Variants in DLGAP2 observed in about 807,000 individuals in gnomAD.
DLGAP2 encodes DLG associated protein 2.
In DLGAP2, 26 loss-of-function variants were observed where a neutral mutation model predicts 100.3. The observed-to-expected ratio is 0.26, with a 90% CI of 0.19 to 0.36. The LOEUF (loss-of-function observed/expected upper bound fraction) is 0.36, where lower values mean the gene tolerates loss of function less well. Among genes scored for constraint, DLGAP2 ranks in the 10% least tolerant of loss-of-function variants. The pLI is 1.00. For missense variants in DLGAP2, 1,858 were observed against 1,453.2 expected, an observed-to-expected ratio of 1.28 and a Z score of -4.53; for synonymous variants, 886 against 630.1, an observed-to-expected ratio of 1.41 and a Z score of -6.08.
intron 3 of DLGAP2, among the ~76,000 whole-genome samples, chr8:1,285,198 A>G (rs1475009828): frequency 1.3e-5 from 2 of 152,192 alleles, no homozygotes; most frequent in Non-Finnish European, 2.9e-5. Flanking sequence ...CACGTTCCCA[A>G]TGGCTCCCAT....
chr8:1,640,655 C>A (rs1467425124), intron 8 of DLGAP2, among the ~76,000 whole-genome samples: 1 of 152,046 alleles, frequency 6.6e-6, no homozygotes, highest in Non-Finnish European at 1.5e-5. Flanking sequence ...TCCCTGTGTC[C>A]CGGGTTCAGA....
intron 2 of DLGAP2, among the ~76,000 whole-genome samples, chr8:1,023,456 C>G (rs1334814101): frequency 1.3e-5 from 2 of 152,180 alleles, no homozygotes; most frequent in Admixed American, 6.6e-5. Context: ...TGAGCCTCCC[C>G]TGTAGCGGGC....
At chr8:1,337,200 T>C (rs566586600) in intron 3 of DLGAP2, among the ~76,000 whole-genome samples, 1 of 67,426 alleles carries the variant, frequency 1.5e-5, no homozygotes, top group East Asian at 3.0e-4. Flanking sequence ...AGAATGATGG[T>C]GATGATGGTG....
intron 2 of DLGAP2, among the ~76,000 whole-genome samples, chr8:1,038,368 G>T (rs1013757013): frequency 1.2e-4 from 19 of 152,088 alleles, no homozygotes; most frequent in Non-Finnish European, 8.8e-5. Flanking sequence ...GATTGACCTT[G>T]GCAGGGAACC....
chr8:1,559,368 C>T (rs1239489152), intron 5 of DLGAP2, among the ~76,000 whole-genome samples: 1 of 152,166 alleles, frequency 6.6e-6, no homozygotes, highest in East Asian at 1.9e-4. Context: ...TGTAACATAA[C>T]GGAGAGAGAT....
chr8:1,318,131 C>A (rs1372031411), intron 3 of DLGAP2, among the ~76,000 whole-genome samples: 3 of 95,758 alleles, frequency 3.1e-5, no homozygotes, highest in Admixed American at 1.1e-4. Flanking sequence ...ACACTCGAGA[C>A]ACTCGTCAGC....
At chr8:877,565 C>T (rs960162412) in intron 1 of DLGAP2, among the ~76,000 whole-genome samples, 1 of 152,218 alleles carries the variant, frequency 6.6e-6, no homozygotes, top group Non-Finnish European at 1.5e-5. Flanking sequence ...TAAATCTAAT[C>T]AAATTGTGGC....
intron 2 of DLGAP2, among the ~76,000 whole-genome samples, chr8:959,540 C>G (rs891288499): frequency 9.2e-5 from 14 of 152,226 alleles, no homozygotes; most frequent in Non-Finnish European, 2.1e-4. Context: ...CAACAGAAAG[C>G]TCTGTGCCCG....
intron 3 of DLGAP2, among the ~76,000 whole-genome samples, chr8:1,264,257 A>G (rs1799407773): frequency 6.6e-6 from 1 of 152,108 alleles, no homozygotes; most frequent in Non-Finnish European, 1.5e-5. Context: ...CGCTCCTGAG[A>G]TGCAATCCCA....
intron 2 of DLGAP2, among the ~76,000 whole-genome samples, chr8:1,153,338 A>C (rs1253400578): frequency 1.3e-5 from 2 of 152,294 alleles, no homozygotes; most frequent in South Asian, 2.1e-4. Context: ...TGCCTACCTC[A>C]AGAGCTATAA....
At chr8:990,351 C>G in intron 2 of DLGAP2, among the ~76,000 whole-genome samples, 1 of 137,038 alleles carries the variant, frequency 7.3e-6, no homozygotes, top group Admixed American at 7.3e-5. Context: ...GTTCTTCTCT[C>G]CCTCCTTGCC....
chr8:1,575,370 G>A (rs574346738), intron 6 of DLGAP2, among the ~76,000 whole-genome samples: 61 of 152,108 alleles, frequency 4.0e-4, no homozygotes, highest in African/African-American at 1.4e-3. Flanking sequence ...GCAGACAGTG[G>A]AATGGAGGTT....
At chr8:1,391,151 C>T (rs78059256) in intron 3 of DLGAP2, among the ~76,000 whole-genome samples, 1 of 152,176 alleles carries the variant, frequency 6.6e-6, no homozygotes, top group African/African-American at 2.4e-5. Context: ...GATAATGAGA[C>T]CCCGGTTGGC....
intron 3 of DLGAP2, among the ~76,000 whole-genome samples, chr8:1,388,889 G>T (rs573350992): frequency 2.3e-4 from 31 of 133,862 alleles, no homozygotes; most frequent in African/African-American, 8.0e-4. Flanking sequence ...GCTGGTTCAA[G>T]TGTCAGGGCT....
intron 2 of DLGAP2, among the ~76,000 whole-genome samples, chr8:998,986 T>C (rs1384730213): frequency 6.6e-6 from 1 of 152,182 alleles, no homozygotes; most frequent in Non-Finnish European, 1.5e-5. Context: ...TTGGGTCATG[T>C]TACCTGTAGA....
chr8:899,185 G>A (rs942403434), intron 1 of DLGAP2, among the ~76,000 whole-genome samples: 1 of 152,192 alleles, frequency 6.6e-6, no homozygotes, highest in Non-Finnish European at 1.5e-5. Context: ...TCTCCAACCT[G>A]CTCCCATAGT....
chr8:1,321,109 CTGTG>C lies in DLGAP2; in HGVS notation c.106+62235_106+62238del, dbSNP rs144449421. 1.9e-4 allele frequency among the ~76,000 whole-genome samples: 28 copies of C among 150,860 alleles called. No homozygotes were observed. The East Asian group carries it at 4.3e-3, about 23-fold the overall frequency. ...TGTGTGCGCATGCATCCATGTGCCT[CTGTG>C]TGTGTGTGCATCCATGTGTCTCTGC... On this transcript the variant is annotated intron_variant, in intron 3 of 14. Coordinates refer to ENST00000637795, the MANE Select transcript of DLGAP2 (RefSeq NM_001346810.2).
chr8:1,245,605 C>T (rs755697861), intron 2 of DLGAP2, among the ~76,000 whole-genome samples: 2 of 152,070 alleles, frequency 1.3e-5, no homozygotes, highest in Non-Finnish European at 2.9e-5. Flanking sequence ...GGTTAACTGC[C>T]GAAGGGCATG....
At position 1,595,528 on chromosome 8, in the gene DLGAP2, A is replaced by G. The variant is rs534753081; in HGVS notation, c.1442+29634A>G. On this transcript the variant is annotated intron_variant, in intron 6 of 14. Transcript: ENST00000637795. ...AATACAAAAAAAAAATTAGCCGGGC[A>G]CGGTGGCGGGCGCCTGTAGTCCCAG... is the stretch of plus-strand genomic sequence containing the variant. Among the ~76,000 whole-genome samples the G allele has an allele frequency of 9.5e-3, 1,426 of 150,858 alleles. 20 individuals are homozygous for G. Among genetic ancestry groups the G allele is most frequent in the African/African-American group, 0.032 (1,302 of 41,212 alleles).
Sources: gnomAD v4.1 joint callset for allele counts (sites outside exome capture counted in the v4.1 genomes callset) on GRCh38, gnomAD v4.1.1 for gene constraint, MANE v1.5 for transcripts, NCBI Gene and HGNC (gene_info 2026-07-23, HGNC 2026-07-21) for gene names.